KPNA6: variants seen among roughly 807,000 people sequenced by gnomAD.
KPNA6 encodes importin subunit alpha-7.
Under a neutral mutation model 72.0 loss-of-function variants are expected in KPNA6, and 9 were observed. The observed-to-expected ratio is 0.13, with a 90% CI of 0.08 to 0.22. The LOEUF is 0.22. Ranked by LOEUF, KPNA6 falls within the 10% of genes least tolerant of loss-of-function variation. KPNA6 has a pLI of 1.00. For synonymous variants in KPNA6, 219 were observed against 242.1 expected, an observed-to-expected ratio of 0.90 and a Z score of 0.89; for missense variants, 374 against 655.7, an observed-to-expected ratio of 0.57 and a Z score of 4.69.
intron 12 of KPNA6, 85 bp downstream of exon 12, chr1:32,167,381 T>C (rs1441172375): frequency 6.6e-7 from 1 of 1,516,956 alleles, no homozygotes; most frequent in Admixed American, 1.7e-5. Flanking sequence ...TATAAACTGC[T>C]CTTGCTCAGA....
intron 1 of KPNA6, among the ~76,000 whole-genome samples, chr1:32,154,101 C>T (rs1015956177): frequency 4.0e-5 from 6 of 151,584 alleles, no homozygotes; most frequent in East Asian, 1.9e-4. Flanking sequence ...GAGTCGATAC[C>T]GTGCCACTGC....
chr1:32,170,441 C>T (rs920503277), intron 13 of KPNA6, among the ~76,000 whole-genome samples: 77 of 152,186 alleles, frequency 5.1e-4, no homozygotes, highest in African/African-American at 1.7e-3. Context: ...CCCTGAGAGG[C>T]TGATGATGTG....
At chr1:32,111,893 C>G (rs1189062652) in intron 1 of KPNA6, among the ~76,000 whole-genome samples, 3 of 152,202 alleles carry the variant, frequency 2.0e-5, no homozygotes, top group African/African-American at 7.2e-5. Flanking sequence ...TTCTGACCCT[C>G]TAGCAGAGAC....
intron 10 of KPNA6, among the ~76,000 whole-genome samples, chr1:32,163,645 A>G (rs1056411217): frequency 6.6e-6 from 1 of 152,218 alleles, no homozygotes; most frequent in Non-Finnish European, 1.5e-5. Context: ...ACTGAAAGCT[A>G]TGGAACTCCA....
intron 1 of KPNA6, among the ~76,000 whole-genome samples, chr1:32,153,509 T>TG (rs1642074881): frequency 6.8e-6 from 1 of 146,428 alleles, no homozygotes; most frequent in African/African-American, 2.6e-5. Flanking sequence ...TGGCATAGGT[T>TG]GCAGTGAGTC....
At chr1:32,117,566 A>G (rs1641350754) in intron 1 of KPNA6, among the ~76,000 whole-genome samples, 1 of 152,030 alleles carries the variant, frequency 6.6e-6, no homozygotes, top group Non-Finnish European at 1.5e-5. Context: ...AAGGCAGGTG[A>G]AACTCTTGAG....
rs117078974 is a variant in KPNA6 at position 32,116,662 on chromosome 1, A to G, written c.4+8528A>G. Among the ~76,000 whole-genome samples, 18 of 152,228 alleles carry G rather than the reference A, an allele frequency of 1.2e-4. No homozygotes were observed. In the East Asian group the frequency reaches 3.5e-3, roughly 29 times the overall value. On this transcript the variant is annotated intron_variant, in intron 1 of 13. Coordinates refer to ENST00000373625, the MANE Select transcript of KPNA6 (RefSeq NM_012316.5). ...AACTCCTTCACAACAAAAAAAAAGA[A>G]CTTTTCCTTTGCATTCACAGCTTTG...
At chr1:32,168,933 A>G (rs1316906690) in intron 12 of KPNA6, among the ~76,000 whole-genome samples, 1 of 152,176 alleles carries the variant, frequency 6.6e-6, no homozygotes, top group Non-Finnish European at 1.5e-5. Context: ...GAGGGGTAAT[A>G]TTGCAGCCAA....
At chr1:32,129,054 A>G (rs1570010572) in intron 1 of KPNA6, among the ~76,000 whole-genome samples, 1 of 151,974 alleles carries the variant, frequency 6.6e-6, no homozygotes, top group East Asian at 1.9e-4. Flanking sequence ...ACCACTTCCA[A>G]TGTGCCTGTT....
chr1:32,149,922 C>G (rs2124043584), intron 1 of KPNA6, among the ~76,000 whole-genome samples: 1 of 152,054 alleles, frequency 6.6e-6, no homozygotes, highest in South Asian at 2.1e-4. Flanking sequence ...TTGTTGTTTT[C>G]TGACTTACGG....
chr1:32,147,490 G>T (rs1318177954), intron 1 of KPNA6, among the ~76,000 whole-genome samples: 1 of 151,900 alleles, frequency 6.6e-6, no homozygotes, highest in Non-Finnish European at 1.5e-5. Context: ...TAGAGACAGG[G>T]TCTTGCTCTG....
Position 32,169,745 on chromosome 1 carries a change from C to A in KPNA6, c.1245-137C>A, listed in dbSNP as rs1172774743. ...AAAGTGCTGGGATCACAGGTGTGAA[C>A]CACCGCGCTCGGCCTCACAATTCTT... On this transcript the variant is annotated intron_variant, in intron 12 of 13. Coordinates refer to ENST00000373625, the MANE Select transcript of KPNA6 (RefSeq NM_012316.5). 7 of 703,188 alleles carry A rather than the reference C, an allele frequency of 1.0e-5. No individual in the cohort carries two copies. The Admixed American group carries it at 2.0e-4, about 20-fold the overall frequency. The allele number at this position is 703,188 out of a possible 1,614,324, so 43.6% of individuals were successfully genotyped here.
intron 1 of KPNA6, among the ~76,000 whole-genome samples, chr1:32,122,377 G>GC (rs1641448366): frequency 7.1e-6 from 1 of 141,018 alleles, no homozygotes; most frequent in Admixed American, 7.1e-5. Flanking sequence ...AAGAGAACAA[G>GC]CAAAAAAAAA....
intron 1 of KPNA6, among the ~76,000 whole-genome samples, chr1:32,143,430 C>A (rs1224052126): frequency 1.3e-5 from 2 of 151,494 alleles, no homozygotes; most frequent in Non-Finnish European, 2.9e-5. Context: ...ACTAAAAATA[C>A]AAAAATTAGC....
chr1:32,144,898 A>G (rs1160260526), intron 1 of KPNA6, among the ~76,000 whole-genome samples: 1 of 151,272 alleles, frequency 6.6e-6, no homozygotes, highest in Non-Finnish European at 1.5e-5. Context: ...TCCCCACCTC[A>G]GCCTCCCAAA....
rs2124106926 is a variant in KPNA6, at chr1:32,172,928, A to G, written c.*2034A>G. The G allele has an allele frequency of 2.5e-6, 1 of 396,658 alleles. No individual in the cohort carries two copies. Among genetic ancestry groups the G allele is most frequent in the Admixed American group, 4.4e-5 (1 of 22,646 alleles). The allele number at this position is 396,658 out of a possible 1,614,324, so 24.6% of individuals were successfully genotyped here. A position where few individuals can be genotyped will look rare whatever the true frequency, so the allele number is the denominator to read the frequency against. On this transcript the variant is annotated 3_prime_UTR_variant, in exon 14 of 14. Coordinates refer to ENST00000373625, the MANE Select transcript of KPNA6 (RefSeq NM_012316.5). ...TTCAGGTACTTATTATTGGCCATTG[A>G]TCTTGAATTTGCCCTCTCCTAGTGC...
intron 8 of KPNA6, 87 bp from the exon 9 acceptor site, chr1:32,162,274 G>A (rs1266072482): frequency 3.0e-5 from 37 of 1,246,892 alleles, no homozygotes; most frequent in South Asian, 8.6e-5. Context: ...TGTGTATTGT[G>A]GGGGCGGTGG....
At chr1:32,115,373 C>T (rs954577453) in intron 1 of KPNA6, among the ~76,000 whole-genome samples, 9 of 151,418 alleles carry the variant, frequency 5.9e-5, no homozygotes, top group Admixed American at 4.6e-4. Flanking sequence ...CTCCTGACCT[C>T]GTGATCCGCC....
chr1:32,110,982 A>G (rs897523961), intron 1 of KPNA6, among the ~76,000 whole-genome samples: 3 of 152,172 alleles, frequency 2.0e-5, no homozygotes, highest in Admixed American at 6.5e-5. Flanking sequence ...ACTTTCAATA[A>G]TGTTCCTTTC....
Sources: allele counts gnomAD v4.1 joint callset (sites outside exome capture counted in the v4.1 genomes callset), GRCh38; gene constraint gnomAD v4.1.1; transcripts MANE v1.5; gene names NCBI Gene and HGNC (gene_info 2026-07-23, HGNC 2026-07-21).